The following CDK14 variants were observed in gnomAD, a reference collection of about 807,000 sequenced individuals.
CDK14 encodes cyclin-dependent kinase 14.
In CDK14, 34 loss-of-function variants were observed where a neutral mutation model predicts 60.7. The observed-to-expected ratio is 0.56, with a 90% CI of 0.43 to 0.75. CDK14 has a LOEUF of 0.75. CDK14 is among the 30% of genes least tolerant of loss of function. CDK14 has a pLI of 0.00. For synonymous variants in CDK14, 197 were observed against 203.7 expected (o/e 0.97, Z 0.28); for missense variants, 482 against 564.1 (o/e 0.85, Z 1.47).
At chr7:90,834,586 G>C (rs1454975315) in intron 5 of CDK14, among the ~76,000 whole-genome samples, 1 of 152,140 alleles carries the variant, frequency 6.6e-6, no homozygotes, top group Non-Finnish European at 1.5e-5. Context: ...TAGTAGACTG[G>C]GAAGAAAGGT....
At chr7:90,661,811 T>C (rs1395271940) in intron 2 of CDK14, among the ~76,000 whole-genome samples, 2 of 152,168 alleles carry the variant, frequency 1.3e-5, no homozygotes, top group African/African-American at 2.4e-5. Flanking sequence ...GAGGCTTGTG[T>C]GCAAAAGTTG....
chr7:90,660,688 T>A (rs1800850129), intron 2 of CDK14, among the ~76,000 whole-genome samples: 1 of 152,232 alleles, frequency 6.6e-6, no homozygotes, highest in Non-Finnish European at 1.5e-5. Context: ...AGTTTACTGT[T>A]TATAAACTGT....
At position 90,630,570 on chromosome 7, in the gene CDK14, C is replaced by T. The variant is rs541946377; in HGVS notation, c.123+26321C>T. ...AAGTTGTACTTTGACTTATTAGCAA[C>T]ATTACAAAGTAACGTCTACCATTCT... is the stretch of plus-strand genomic sequence containing the variant. On this transcript the variant is annotated intron_variant, in intron 2 of 14. Coordinates refer to ENST00000380050, the MANE Select transcript of CDK14 (RefSeq NM_001287135.2). Among the ~76,000 whole-genome samples the T allele has an allele frequency of 1.3e-3, 200 of 152,260 alleles. 3 individuals are homozygous for T. In the Middle Eastern group the frequency reaches 0.02, roughly 16 times the overall value.
intron 5 of CDK14, among the ~76,000 whole-genome samples, chr7:90,847,438 A>G (rs2117167658): frequency 6.6e-6 from 1 of 152,264 alleles, no homozygotes; most frequent in Non-Finnish European, 1.5e-5. Context: ...ATCCAGATAA[A>G]AAATTAAACT....
intron 11 of CDK14, among the ~76,000 whole-genome samples, chr7:91,048,462 C>T (rs1329522432): frequency 1.3e-5 from 2 of 152,164 alleles, no homozygotes; most frequent in East Asian, 3.8e-4. Flanking sequence ...ATTGAGTACC[C>T]TTGTGCCTAT....
chr7:91,005,100 G>A (rs1795943223), intron 10 of CDK14, among the ~76,000 whole-genome samples: 1 of 152,226 alleles, frequency 6.6e-6, no homozygotes, highest in Admixed American at 6.5e-5. Flanking sequence ...GAGGCTGGTG[G>A]CGTGAGATTC....
At chr7:90,995,521 A>G (rs933365289) in intron 10 of CDK14, among the ~76,000 whole-genome samples, 1 of 152,220 alleles carries the variant, frequency 6.6e-6, no homozygotes, top group Non-Finnish European at 1.5e-5. Flanking sequence ...TTGCACACCA[A>G]TAATTACCTA....
chr7:90,767,955 A>G (rs968675371), intron 4 of CDK14, among the ~76,000 whole-genome samples: 3 of 152,108 alleles, frequency 2.0e-5, no homozygotes, highest in Admixed American at 6.6e-5. Context: ...CCAATTTTTC[A>G]TTATCTTTGT....
chr7:91,027,178 A>G (rs1796598661), intron 10 of CDK14, among the ~76,000 whole-genome samples: 2 of 152,220 alleles, frequency 1.3e-5, no homozygotes, highest in Admixed American at 1.3e-4. Flanking sequence ...GGCCAAATAT[A>G]TGACTGATGT....
chr7:90,680,581 T>C (rs1801293824), intron 2 of CDK14, among the ~76,000 whole-genome samples: 1 of 152,204 alleles, frequency 6.6e-6, no homozygotes, highest in Non-Finnish European at 1.5e-5. Flanking sequence ...GAAAAATCTA[T>C]TGGGTGAATT....
intron 12 of CDK14, among the ~76,000 whole-genome samples, chr7:91,090,263 T>A (rs1026270644): frequency 5.9e-5 from 9 of 152,166 alleles, no homozygotes; most frequent in African/African-American, 2.2e-4. Context: ...TTGTGTGAAC[T>A]ACACTATTCC....
intron 2 of CDK14, among the ~76,000 whole-genome samples, chr7:90,609,106 A>G (rs1336974014): frequency 6.6e-6 from 1 of 152,106 alleles, no homozygotes; most frequent in Non-Finnish European, 1.5e-5. Flanking sequence ...GGCTCACTGC[A>G]GCCTCCACCT....
In CDK14 at chr7:90,917,651, T is replaced by C. The variant is rs776916826; in HGVS notation, c.753T>C (p.Tyr251=). The change falls in exon 8 of 15, where the codon TAT becomes TAC. Residue 251 remains tyrosine, a synonymous_variant. Transcript: ENST00000380050. The stretch of plus-strand genomic sequence containing the variant: ...GTCTGTCTTACATCCACCAGCGTTA[T>C]ATTTTGCACAGAGACCTGAAACCAC... ...LRGLSYIHQR[Y]ILHRDLKPQN... is the part of the protein sequence containing the mutation. The C allele has an allele frequency of 6.2e-7, 1 of 1,613,832 alleles. No individual in the cohort carries two copies. Among genetic ancestry groups the C allele is most frequent in the South Asian group, 1.1e-5 (1 of 91,066 alleles).
chr7:90,885,420 G>A (rs946412928), intron 6 of CDK14, among the ~76,000 whole-genome samples: 9 of 152,026 alleles, frequency 5.9e-5, no homozygotes, highest in Non-Finnish European at 2.9e-5. Flanking sequence ...TTAAAAAGTC[G>A]GGAAACAATA....
intron 5 of CDK14, among the ~76,000 whole-genome samples, chr7:90,800,130 C>CCACCT (rs1272195331): frequency 6.6e-6 from 1 of 152,050 alleles, no homozygotes; most frequent in Non-Finnish European, 1.5e-5. Flanking sequence ...TGTGCTTTAT[C>CCACCT]CACCTTCTCT....
At chr7:90,728,955 A>T (rs571901443) in intron 3 of CDK14, among the ~76,000 whole-genome samples, 1 of 151,964 alleles carries the variant, frequency 6.6e-6, no homozygotes, top group Non-Finnish European at 1.5e-5. Context: ...TTTTTAGGAC[A>T]TATAAACCTA....
chr7:91,157,560 C>A (rs1314960706), intron 14 of CDK14, among the ~76,000 whole-genome samples: 1 of 152,158 alleles, frequency 6.6e-6, no homozygotes, highest in African/African-American at 2.4e-5. Flanking sequence ...ATTAGGAGTT[C>A]CAGTTCCGGA....
intron 2 of CDK14, among the ~76,000 whole-genome samples, chr7:90,702,348 T>C (rs1801803149): frequency 6.6e-6 from 1 of 152,184 alleles, no homozygotes; most frequent in African/African-American, 2.4e-5. Context: ...GTTGTTAATA[T>C]CCCTGTGACT....
chr7:90,600,128 T>G (rs1324903965), intron 1 of CDK14, among the ~76,000 whole-genome samples: 1 of 152,218 alleles, frequency 6.6e-6, no homozygotes, highest in Non-Finnish European at 1.5e-5. Context: ...TGAGTGTAAT[T>G]GAATTTTAAA....
Sources: allele counts gnomAD v4.1 joint callset (sites outside exome capture counted in the v4.1 genomes callset), GRCh38; gene constraint gnomAD v4.1.1; transcripts MANE v1.5; gene names NCBI Gene and HGNC (gene_info 2026-07-23, HGNC 2026-07-21).